Variants in VPS13B observed in about 807,000 individuals in gnomAD.
VPS13B encodes intermembrane lipid transfer protein VPS13B.
VPS13B carries 285 observed loss-of-function variants against 426.4 expected under a neutral mutation model. That is an observed-to-expected ratio of 0.67 (90% CI 0.61 to 0.74). The LOEUF (loss-of-function observed/expected upper bound fraction) is 0.74. VPS13B is among the 30% of genes least tolerant of loss of function. VPS13B has a pLI of 0.00. For missense variants in VPS13B, 4,537 were observed against 4,782.6 expected, an observed-to-expected ratio of 0.95 and a Z score of 1.51; for synonymous variants, 1,676 against 1,676.4, an observed-to-expected ratio of 1.00 and a Z score of 0.01.
At chr8:99,193,630 TTA>T (rs1400846090) in intron 17 of VPS13B, among the ~76,000 whole-genome samples, 3 of 152,168 alleles carry the variant, frequency 2.0e-5, no homozygotes, top group African/African-American at 4.8e-5. Context: ...AATAATAATG[TTA>T]TGTTTGTCAG....
intron 3 of VPS13B, among the ~76,000 whole-genome samples, chr8:99,058,738 A>G (rs1460083396): frequency 6.6e-6 from 1 of 152,212 alleles, no homozygotes; most frequent in Admixed American, 6.5e-5. Context: ...TGGAGCCCAG[A>G]TGGAACTAAG....
At position 99,066,917 on chromosome 8, in the gene VPS13B, G is replaced by A. The variant is rs546408783; in HGVS notation, c.291+28351G>A. Among the ~76,000 whole-genome samples, 6 of 152,334 alleles carry A rather than the reference G, an allele frequency of 3.9e-5. No homozygotes were observed. In the East Asian group the frequency reaches 1.2e-3, roughly 29 times the overall value. ...ATGCTCATCATTACTGGTCATCAGA[G>A]AAATTCAAATGAAAACCACAGTGAG... On this transcript the variant is annotated intron_variant, in intron 3 of 61. Coordinates refer to ENST00000357162, the MANE Select transcript of VPS13B (RefSeq NM_152564.5).
intron 36 of VPS13B, among the ~76,000 whole-genome samples, chr8:99,705,718 G>T (rs1429869386): frequency 2.0e-5 from 3 of 152,062 alleles, no homozygotes; most frequent in Non-Finnish European, 2.9e-5. Context: ...TTTTTAAAAT[G>T]TTGTTTATGT....
chr8:99,238,228 AAG>A (rs1181505117), intron 17 of VPS13B, among the ~76,000 whole-genome samples: 1 of 151,350 alleles, frequency 6.6e-6, no homozygotes, highest in Non-Finnish European at 1.5e-5. Context: ...AAATTAGTGT[AAG>A]AGTTTGTGGG....
intron 25 of VPS13B, among the ~76,000 whole-genome samples, chr8:99,498,913 A>G (rs1017133154): frequency 6.6e-6 from 1 of 152,170 alleles, no homozygotes. Context: ...CGAAGTGTTT[A>G]GCCCTTTGGG....
Position 99,481,682 on chromosome 8 carries a change from A to C in VPS13B, c.3750A>C (p.Pro1250=). The C allele has an allele frequency of 6.2e-7, 1 of 1,613,988 alleles. No homozygotes were observed. Among genetic ancestry groups the C allele is most frequent in the Non-Finnish European group, 8.5e-7 (1 of 1,179,890 alleles). ...IQKRGNLNLS[P]TSPETMAGPV... ...AGAGAGGCAATCTCAACCTATCTCCAACCTCTCCAGAGACCATGGCAGGGC... is the reference window on the plus strand; with the variant it reads ...AGAGAGGCAATCTCAACCTATCTCCCACCTCTCCAGAGACCATGGCAGGGC... The change falls in exon 25 of 62, where the codon CCA becomes CCC. Residue 1250 remains proline (P), a synonymous_variant. Transcript: ENST00000357162.
intron 17 of VPS13B, chr8:99,234,131 G>T: frequency 1.3e-6 from 1 of 785,272 alleles, no homozygotes. Context: ...CCCACCCTGG[G>T]CTCGCTGAGG....
intron 31 of VPS13B, among the ~76,000 whole-genome samples, chr8:99,558,278 G>T (rs1824696660): frequency 6.6e-6 from 1 of 152,050 alleles, no homozygotes; most frequent in South Asian, 2.1e-4. Flanking sequence ...AAACCAAACA[G>T]TAAAATATAG....
rs1014219259 is a variant in VPS13B, at chr8:99,691,610, G to A, written c.6047-7915G>A. On this transcript the variant is annotated intron_variant, in intron 35 of 61. Transcript: ENST00000357162. ...ATCATGCCAAAATGTAAAGACCATC[G>A]AGACTAGGAAGAAACTGCATCAACT... Among the ~76,000 whole-genome samples, 3 of 151,152 alleles carry A rather than the reference G, an allele frequency of 2.0e-5. No homozygotes were observed. The East Asian group carries it at 5.8e-4, about 29-fold the overall frequency.
At chr8:99,600,420 T>A (rs998076080) in intron 33 of VPS13B, among the ~76,000 whole-genome samples, 1 of 152,124 alleles carries the variant, frequency 6.6e-6, no homozygotes, top group African/African-American at 2.4e-5. Context: ...ATGTGGGTGT[T>A]CTTAGGGTCA....
rs937240694 is a variant in VPS13B, at chr8:99,835,711, C to A, written c.9915C>A (p.Ala3305=). ...AAGTAACAACTGAGTGGAGTGATGC[C>A]ATTGACATCAACAGTCAGGGAACAC... is the stretch of plus-strand genomic sequence containing the variant. The part of the protein sequence containing the change: ...LDEVTTEWSD[A]IDINSQGTQV... The change falls in exon 54 of 62, where the codon GCC becomes GCA. Residue 3305 remains alanine (A), a synonymous_variant. Coordinates refer to ENST00000357162, the MANE Select transcript of VPS13B (RefSeq NM_152564.5). 1 of 1,614,094 alleles carries A rather than the reference C, an allele frequency of 6.2e-7. No individual in the cohort carries two copies. Among genetic ancestry groups the A allele is most frequent in the Non-Finnish European group, 8.5e-7 (1 of 1,180,010 alleles).
At chr8:99,852,814 A>AT (rs535201046) in intron 55 of VPS13B, among the ~76,000 whole-genome samples, 2 of 151,956 alleles carry the variant, frequency 1.3e-5, no homozygotes, top group Non-Finnish European at 2.9e-5. Context: ...GTCATGAGGG[A>AT]TTTTTTGAGC....
chr8:99,666,833 A>C (rs1156913692), intron 35 of VPS13B, among the ~76,000 whole-genome samples: 2 of 152,144 alleles, frequency 1.3e-5, no homozygotes, highest in African/African-American at 2.4e-5. Flanking sequence ...AGAAGGAAAT[A>C]AAGGGTATTC....
chr8:99,157,521 A>G (rs1383844517), intron 15 of VPS13B, among the ~76,000 whole-genome samples: 1 of 152,052 alleles, frequency 6.6e-6, no homozygotes, highest in East Asian at 1.9e-4. Flanking sequence ...GAACTTGGTA[A>G]ATGTTGTGTG....
chr8:99,673,415 T>A (rs1250627110), intron 35 of VPS13B, among the ~76,000 whole-genome samples: 1 of 152,064 alleles, frequency 6.6e-6, no homozygotes, highest in Non-Finnish European at 1.5e-5. Context: ...GGCATATAAT[T>A]GTTCATGTTA....
intron 4 of VPS13B, among the ~76,000 whole-genome samples, chr8:99,098,048 TTCTC>T (rs1227432361): frequency 2.0e-5 from 3 of 152,214 alleles, no homozygotes; most frequent in Non-Finnish European, 4.4e-5. Context: ...TCATGTATCT[TTCTC>T]TCTGACCACA....
rs181334169 is a variant in VPS13B, at chr8:99,097,651, T to G, written c.412+1219T>G. 4.3e-3 allele frequency among the ~76,000 whole-genome samples: 653 copies of G among 152,050 alleles called. 9 individuals carry two copies. The highest frequency in any genetic ancestry group is 2.1e-3 in the Non-Finnish European group (141 of 67,972). Reference sequence around the variant, plus strand: ...TCAAAAATGAAAGTATGGGAGATAATATAAGAGACAAATAGTAGCCAAAAA... The same window carrying G: ...TCAAAAATGAAAGTATGGGAGATAAGATAAGAGACAAATAGTAGCCAAAAA... On this transcript the variant is annotated intron_variant, in intron 4 of 61. Coordinates refer to ENST00000357162, the MANE Select transcript of VPS13B (RefSeq NM_152564.5).
intron 30 of VPS13B, among the ~76,000 whole-genome samples, chr8:99,545,147 A>T (rs773027832): frequency 1.3e-5 from 2 of 152,230 alleles, no homozygotes; most frequent in Non-Finnish European, 2.9e-5. Context: ...TTGGACAAAC[A>T]TAATTTCATT....
At chr8:99,563,407 TCAAGATAAATATATTCCATATA>T (rs1307209802) in intron 31 of VPS13B, among the ~76,000 whole-genome samples, 5 of 152,050 alleles carry the variant, frequency 3.3e-5, no homozygotes, top group Non-Finnish European at 7.4e-5. Flanking sequence ...CACATCCAAA[TCAAGATAAATATATTCCATATA>T]CATAGGAGAT....
Sources: gnomAD v4.1 joint callset for allele counts (sites outside exome capture counted in the v4.1 genomes callset) on GRCh38, gnomAD v4.1.1 for gene constraint, MANE v1.5 for transcripts, NCBI Gene and HGNC (gene_info 2026-07-23, HGNC 2026-07-21) for gene names.